The following MAF variants were observed in gnomAD, a reference collection of about 807,000 sequenced individuals.
The protein encoded by MAF is transcription factor Maf.
In MAF, 10 loss-of-function variants were observed where a neutral mutation model predicts 22.0. That is an observed-to-expected ratio of 0.45 (90% CI 0.28 to 0.77). MAF has a LOEUF of 0.77. Among genes scored for constraint, MAF ranks in the 30% least tolerant of loss-of-function variants. The probability of loss-of-function intolerance (pLI) is 0.12; values close to 1 mark genes in which losing one functional copy is unlikely to be tolerated. For missense variants in MAF, 544 were observed against 548.4 expected, an observed-to-expected ratio of 0.99 and a Z score of 0.08; for synonymous variants, 337 against 255.8, an observed-to-expected ratio of 1.32 and a Z score of -3.03.
the MAF span, among the ~76,000 whole-genome samples, chr16:79,359,513 C>CTA: frequency 6.6e-6 from 1 of 152,194 alleles, no homozygotes; most frequent in African/African-American, 2.4e-5. Context: ...TTAATGTGCT[C>CTA]TATCAAGACA....
the MAF span, among the ~76,000 whole-genome samples, chr16:79,251,494 T>G: frequency 6.6e-6 from 1 of 152,044 alleles, no homozygotes; most frequent in Non-Finnish European, 1.5e-5. Context: ...TTTTTGTATT[T>G]TTAGTAGAGA....
At chr16:79,502,249 C>T in the MAF span, among the ~76,000 whole-genome samples, 2 of 152,156 alleles carry the variant, frequency 1.3e-5, no homozygotes, top group East Asian at 1.9e-4. Context: ...CAAGCACAAG[C>T]CTGCTGGCCT....
the MAF span, among the ~76,000 whole-genome samples, chr16:79,526,749 C>A: frequency 1.3e-5 from 2 of 152,106 alleles, no homozygotes; most frequent in African/African-American, 4.8e-5. Flanking sequence ...GAAAATACTC[C>A]CACCATGGAC....
chr16:79,228,468 A>AT, the MAF span, among the ~76,000 whole-genome samples: 2 of 152,030 alleles, frequency 1.3e-5, no homozygotes, highest in African/African-American at 4.8e-5. Context: ...AAATGCACTG[A>AT]TAATTCTCAA....
At chr16:79,321,935 A>T in the MAF span, among the ~76,000 whole-genome samples, 1 of 152,054 alleles carries the variant, frequency 6.6e-6, no homozygotes, top group Non-Finnish European at 1.5e-5. Context: ...ACATCCTGTT[A>T]AAAAAAGGTC....
the MAF span, among the ~76,000 whole-genome samples, chr16:79,432,845 G>C: frequency 6.6e-6 from 1 of 152,104 alleles, no homozygotes; most frequent in Non-Finnish European, 1.5e-5. Context: ...CCAGAAGCTG[G>C]GAAGGCATCC....
the MAF span, among the ~76,000 whole-genome samples, chr16:79,374,737 A>T: frequency 2.0e-5 from 3 of 152,202 alleles, no homozygotes; most frequent in Non-Finnish European, 4.4e-5. Context: ...GCTGAGTGAC[A>T]TGGGAAATTG....
the MAF span, among the ~76,000 whole-genome samples, chr16:79,502,716 T>TATATATAAATATAA: frequency 1.5e-4 from 3 of 20,566 alleles, no homozygotes; most frequent in Admixed American, 5.6e-4. Flanking sequence ...TAAATATATA[T>TATATATAAATATAA]ATATATATAT....
At chr16:79,353,581 G>A in the MAF span, among the ~76,000 whole-genome samples, 1 of 152,112 alleles carries the variant, frequency 6.6e-6, no homozygotes, top group African/African-American at 2.4e-5. Flanking sequence ...CATCTGCATA[G>A]CACCTGTTGT....
At chr16:79,533,458 G>T in the MAF span, among the ~76,000 whole-genome samples, 2 of 152,160 alleles carry the variant, frequency 1.3e-5, no homozygotes, top group Non-Finnish European at 2.9e-5. Flanking sequence ...AAGAAGGGTA[G>T]TGTGGTCATT....
the MAF span, among the ~76,000 whole-genome samples, chr16:79,290,504 G>A: frequency 1.3e-5 from 2 of 152,256 alleles, no homozygotes; most frequent in East Asian, 3.9e-4. Flanking sequence ...ACGGGGAACT[G>A]AGTTTTAATC....
At chr16:79,542,300 G>A in the MAF span, among the ~76,000 whole-genome samples, 2 of 152,162 alleles carry the variant, frequency 1.3e-5, no homozygotes, top group Non-Finnish European at 2.9e-5. Flanking sequence ...TCAGCCAGTG[G>A]TGGCCTCTCG....
At chr16:79,220,356 A>C in the MAF span, among the ~76,000 whole-genome samples, 1 of 152,134 alleles carries the variant, frequency 6.6e-6, no homozygotes, top group Non-Finnish European at 1.5e-5. Context: ...CCCACCACTC[A>C]AAAGAACCAA....
chr16:79,263,432 T>C, the MAF span, among the ~76,000 whole-genome samples: 1 of 152,236 alleles, frequency 6.6e-6, no homozygotes, highest in Non-Finnish European at 1.5e-5. Flanking sequence ...TCATGTTCTA[T>C]AAAAATCCAA....
chr16:79,251,729 A>G, the MAF span, among the ~76,000 whole-genome samples: 5 of 152,242 alleles, frequency 3.3e-5, no homozygotes, highest in African/African-American at 9.6e-5. Context: ...TGGGGTCACA[A>G]TAGTGTAGAA....
At chr16:79,492,605 C>T in the MAF span, among the ~76,000 whole-genome samples, 121 of 152,056 alleles carry the variant, frequency 8.0e-4, no homozygotes, top group Non-Finnish European at 1.5e-3. Flanking sequence ...CTTACCATAG[C>T]CCCAAAGCTT....
the MAF span, among the ~76,000 whole-genome samples, chr16:79,449,550 T>G: frequency 6.6e-6 from 1 of 151,938 alleles, no homozygotes; most frequent in African/African-American, 2.4e-5. Context: ...TCTGCATGCA[T>G]GCAGCAAACA....
At chr16:79,408,036 G>C in the MAF span, among the ~76,000 whole-genome samples, 25 of 116,470 alleles carry the variant, frequency 2.1e-4, no homozygotes, top group Admixed American at 3.8e-4. Context: ...GGCGCCATAA[G>C]AGAATGAGTG....
the MAF span, among the ~76,000 whole-genome samples, chr16:79,549,466 C>T: frequency 1.3e-5 from 2 of 152,208 alleles, no homozygotes; most frequent in South Asian, 2.1e-4. Context: ...CGTTCCTCAA[C>T]AACTGCAGGT....
Sources: gnomAD v4.1 joint callset for allele counts (sites outside exome capture counted in the v4.1 genomes callset) on GRCh38, gnomAD v4.1.1 for gene constraint, MANE v1.5 for transcripts, NCBI Gene and HGNC (gene_info 2026-07-23, HGNC 2026-07-21) for gene names.